The following FARS2 variants were observed in gnomAD, a reference collection of about 807,000 sequenced individuals.
The protein encoded by FARS2 is phenylalanine--tRNA ligase, mitochondrial.
A neutral mutation model predicts 46.4 loss-of-function variants in FARS2; 40 were observed. That is an observed-to-expected ratio of 0.86 (90% CI 0.67 to 1.12). FARS2 has a LOEUF of 1.12. Among genes scored for constraint, FARS2 ranks in the 50% most tolerant of loss-of-function variants. The pLI is 0.00. For synonymous variants in FARS2, 234 were observed against 214.9 expected, an observed-to-expected ratio of 1.09 and a Z score of -0.78; for missense variants, 513 against 567.9, an observed-to-expected ratio of 0.90 and a Z score of 0.98.
At chr6:5,709,697 T>A (rs115742950) in intron 6 of FARS2, among the ~76,000 whole-genome samples, 1 of 91,502 alleles carries the variant, frequency 1.1e-5, no homozygotes. Context: ...TGTGTGTGTG[T>A]GCGCATGCAC....
intron 1 of FARS2, among the ~76,000 whole-genome samples, chr6:5,296,448 G>A (rs1767897984): frequency 6.6e-6 from 1 of 152,070 alleles, no homozygotes; most frequent in Non-Finnish European, 1.5e-5. Flanking sequence ...GCCTATTTTG[G>A]CCATTTTTAA....
chr6:5,696,246 C>T (rs1455048909), intron 6 of FARS2, among the ~76,000 whole-genome samples: 3 of 152,124 alleles, frequency 2.0e-5, no homozygotes, highest in African/African-American at 7.2e-5. Context: ...CATTGCAATG[C>T]CAGAAACTTC....
At chr6:5,366,402 A>C (rs989648009) in intron 1 of FARS2, among the ~76,000 whole-genome samples, 4 of 152,190 alleles carry the variant, frequency 2.6e-5, no homozygotes, top group Non-Finnish European at 5.9e-5. Context: ...AAAGGAAGTC[A>C]CTTCTCAGAT....
intron 4 of FARS2, among the ~76,000 whole-genome samples, chr6:5,460,497 G>A (rs1239571539): frequency 1.3e-5 from 2 of 152,170 alleles, no homozygotes; most frequent in African/African-American, 2.4e-5. Context: ...TTGAGACTAG[G>A]TTTCCAGCAA....
rs1767583380 is a variant in FARS2 at position 5,498,194 on chromosome 6, A to G, written c.905-46986A>G. Among the ~76,000 whole-genome samples the G allele has an allele frequency of 3.3e-5, 5 of 152,138 alleles. No homozygotes were observed. The South Asian group carries it at 6.2e-4, about 19-fold the overall frequency. The stretch of plus-strand genomic sequence containing the variant: ...TAAGAAATGATTAAAATTTTTTTTC[A>G]TCTTTTGGTGTTCTAAATTGGAAAC... On this transcript the variant is annotated intron_variant, in intron 4 of 6. Coordinates refer to ENST00000274680, the MANE Select transcript of FARS2 (RefSeq NM_006567.5).
At chr6:5,264,407 T>C (rs1765401926) in intron 1 of FARS2, among the ~76,000 whole-genome samples, 1 of 152,188 alleles carries the variant, frequency 6.6e-6, no homozygotes, top group Non-Finnish European at 1.5e-5. Context: ...ATGAACAAAC[T>C]GAAGACTTTT....
chr6:5,439,254 A>G (rs1763706863), intron 4 of FARS2, among the ~76,000 whole-genome samples: 1 of 151,970 alleles, frequency 6.6e-6, no homozygotes, highest in Non-Finnish European at 1.5e-5. Flanking sequence ...TCAGGCTGAT[A>G]TCTGTGCAGG....
Position 5,690,141 on chromosome 6 carries a change from C to T in FARS2, c.1217+76821C>T, listed in dbSNP as rs570088574. The stretch of plus-strand genomic sequence containing the variant: ...AATACAGCACACTGATGGGTCTTGA[C>T]TTTTTATCCAATTTGCCAGTCTGTG... On this transcript the variant is annotated intron_variant, in intron 6 of 6. Transcript: ENST00000274680. Among the ~76,000 whole-genome samples the T allele has an allele frequency of 1.1e-4, 17 of 152,226 alleles. No homozygotes were observed. In the South Asian group the frequency reaches 2.1e-3, roughly 19 times the overall value.
intron 5 of FARS2, chr6:5,610,037 G>T: frequency 1.1e-6 from 1 of 945,748 alleles, no homozygotes; most frequent in Non-Finnish European, 1.7e-6. Context: ...CAAAGCCCCT[G>T]GAGCAATTGG....
intron 1 of FARS2, among the ~76,000 whole-genome samples, chr6:5,267,159 T>TAAAAA (rs34285103): frequency 3.4e-5 from 5 of 147,210 alleles, no homozygotes; most frequent in African/African-American, 7.4e-5. Context: ...TTTTTTTTCT[T>TAAAAA]AAAAAAAAAA....
chr6:5,560,782 G>A (rs1210543765), intron 5 of FARS2, among the ~76,000 whole-genome samples: 2 of 152,090 alleles, frequency 1.3e-5, no homozygotes, highest in Non-Finnish European at 2.9e-5. Context: ...CTTTGTATCA[G>A]TTTTGATTAA....
chr6:5,324,436 CTA>C (rs1222553625), intron 1 of FARS2, among the ~76,000 whole-genome samples: 3 of 132,780 alleles, frequency 2.3e-5, no homozygotes, highest in African/African-American at 8.3e-5. Context: ...GGGAAAGAGA[CTA>C]TTTGCTTTTT....
chr6:5,761,860 A>G (rs1327641715), intron 6 of FARS2, among the ~76,000 whole-genome samples: 3 of 151,636 alleles, frequency 2.0e-5, no homozygotes, highest in Non-Finnish European at 4.4e-5. Flanking sequence ...AGGTATCTTC[A>G]TTGCTAAGCT....
chr6:5,611,774 C>T (rs1194669729), intron 5 of FARS2, among the ~76,000 whole-genome samples: 1 of 152,088 alleles, frequency 6.6e-6, no homozygotes, highest in Non-Finnish European at 1.5e-5. Flanking sequence ...GACTGTTGTC[C>T]ATGAATTGTT....
At chr6:5,530,322 A>G (rs1769742252) in intron 4 of FARS2, among the ~76,000 whole-genome samples, 2 of 152,320 alleles carry the variant, frequency 1.3e-5, no homozygotes, top group South Asian at 4.1e-4. Flanking sequence ...GTCTTATAAG[A>G]TAAAGGAAAG....
intron 6 of FARS2, among the ~76,000 whole-genome samples, chr6:5,638,281 C>T (rs1339178982): frequency 1.3e-5 from 2 of 152,148 alleles, no homozygotes; most frequent in African/African-American, 4.8e-5. Context: ...AAAACCATCC[C>T]GGGCCGGGCG....
intron 1 of FARS2, among the ~76,000 whole-genome samples, chr6:5,273,113 A>G (rs1281048326): frequency 6.6e-6 from 1 of 152,238 alleles, no homozygotes; most frequent in African/African-American, 2.4e-5. Context: ...TGCTGCAATA[A>G]ACATGGGAGT....
rs369389373 is a variant in FARS2, at chr6:5,312,297, A to G, written c.-22+50637A>G. On this transcript the variant is annotated intron_variant, in intron 1 of 6. Transcript: ENST00000274680. ...TTTAGGCTTTGCTTACTATTAATCT[A>G]TAAGTCTCATAGCTTATGTCTGTGT... is the stretch of plus-strand genomic sequence containing the variant. 3.8e-4 allele frequency among the ~76,000 whole-genome samples: 58 copies of G among 152,342 alleles called. No individual in the cohort carries two copies. The South Asian group carries it at 9.3e-3, about 24-fold the overall frequency.
chr6:5,761,340 C>T (rs976145763), intron 6 of FARS2, among the ~76,000 whole-genome samples: 1 of 152,226 alleles, frequency 6.6e-6, no homozygotes, highest in Non-Finnish European at 1.5e-5. Context: ...TCCCCTCACA[C>T]TACCACTGTG....
Sources: allele counts gnomAD v4.1 joint callset (sites outside exome capture counted in the v4.1 genomes callset), GRCh38; gene constraint gnomAD v4.1.1; transcripts MANE v1.5; gene names NCBI Gene and HGNC (gene_info 2026-07-23, HGNC 2026-07-21).